Variants in ARSB observed in about 807,000 individuals in gnomAD.
ARSB encodes N-acetylgalactosamine-4-sulfatase.
In ARSB, 41 loss-of-function variants were observed where a neutral mutation model predicts 50.9. That is an observed-to-expected ratio of 0.81 (90% confidence interval 0.63 to 1.04). The LOEUF is 1.04. Among genes scored for constraint, ARSB ranks in the 50% least tolerant of loss-of-function variants. The pLI is 0.00. For missense variants in ARSB, 672 were observed against 693.3 expected, an observed-to-expected ratio of 0.97 and a Z score of 0.35; for synonymous variants, 269 against 284.8, an observed-to-expected ratio of 0.94 and a Z score of 0.56.
chr5:78,961,712 G>A (rs1359240178), intron 3 of ARSB, among the ~76,000 whole-genome samples: 1 of 152,050 alleles, frequency 6.6e-6, no homozygotes, highest in Non-Finnish European at 1.5e-5. Context: ...GATTACAGTT[G>A]TTGCACAGAT....
chr5:78,824,919 A>G lies in ARSB; in HGVS notation c.1213+14437T>C, dbSNP rs188162084. Among the ~76,000 whole-genome samples, 36 of 152,300 alleles carry G rather than the reference A, an allele frequency of 2.4e-4. 1 individual carries two copies. Among genetic ancestry groups the G allele is most frequent in the African/African-American group, 7.5e-4 (31 of 41,562 alleles). ...CTGGTAATATACTGCATTTTGACAG[A>G]TGTGGTTAGTAACTCTAAGGAGTGC... On this transcript the variant is annotated intron_variant, in intron 6 of 7. Transcript: ENST00000264914.
intron 4 of ARSB, among the ~76,000 whole-genome samples, chr5:78,906,383 C>A (rs2112294808): frequency 6.6e-6 from 1 of 152,126 alleles, no homozygotes; most frequent in East Asian, 1.9e-4. Flanking sequence ...TCCCCATATT[C>A]TTGAGCAAGA....
chr5:78,872,323 C>A (rs1052930991), intron 5 of ARSB, among the ~76,000 whole-genome samples: 1 of 151,150 alleles, frequency 6.6e-6, no homozygotes, highest in African/African-American at 2.4e-5. Context: ...TGGGCATATA[C>A]CCAAATGACT....
chr5:78,968,957 T>C lies in ARSB; in HGVS notation c.499+49A>G, dbSNP rs765352564. On this transcript the variant is annotated intron_variant, in intron 2 of 7. Coordinates refer to ENST00000264914, the MANE Select transcript of ARSB (RefSeq NM_000046.5). ...TTGCACTTGGGTGTGTTTTATGAGA[T>C]GGCTGCAGTTAGTCTAAGTTGTTAA... 19 of 1,594,790 alleles carry C rather than the reference T, an allele frequency of 1.2e-5. No homozygotes were observed. The Admixed American group carries it at 3.0e-4, about 25-fold the overall frequency.
At chr5:78,843,559 T>C (rs1359802133) in intron 5 of ARSB, among the ~76,000 whole-genome samples, 1 of 152,224 alleles carries the variant, frequency 6.6e-6, no homozygotes, top group Non-Finnish European at 1.5e-5. Flanking sequence ...TATTGAAGTA[T>C]AATTTTAAAA....
chr5:78,969,013 GGTA>G lies in ARSB; in HGVS notation c.489_491del (p.Thr164del), dbSNP rs1214445569. ...CATGTGCATTTCCATTACCAAAGTA[GGTA>G]TCAAATCCTCGGCGGGTTGGAAGGC... On this transcript the variant is annotated inframe_deletion, in exon 2 of 8. Coordinates refer to ENST00000264914, the MANE Select transcript of ARSB (RefSeq NM_000046.5). 1.2e-6 allele frequency: 2 copies of G among 1,614,136 alleles called. No individual in the cohort carries two copies. The highest frequency in any genetic ancestry group is 1.7e-6 in the Non-Finnish European group (2 of 1,180,010).
chr5:78,781,764 G>A (rs975797613), intron 7 of ARSB, 88 bp downstream of exon 7: 7 of 1,562,916 alleles, frequency 4.5e-6, no homozygotes, highest in East Asian at 2.2e-5. Flanking sequence ...AATCCCAGGA[G>A]GGCAGATAGA....
chr5:78,908,598 A>G (rs1749168480), intron 4 of ARSB, among the ~76,000 whole-genome samples: 1 of 152,222 alleles, frequency 6.6e-6, no homozygotes, highest in Non-Finnish European at 1.5e-5. Context: ...ACAAGGGATT[A>G]GAGAGCATTC....
intron 4 of ARSB, among the ~76,000 whole-genome samples, chr5:78,934,626 C>T (rs567239151): frequency 6.6e-6 from 1 of 152,092 alleles, no homozygotes; most frequent in South Asian, 2.1e-4. Flanking sequence ...CCTGTCTCTA[C>T]TAAAAATACA....
At chr5:78,916,398 CT>C (rs1749545833) in intron 4 of ARSB, among the ~76,000 whole-genome samples, 1 of 152,200 alleles carries the variant, frequency 6.6e-6, no homozygotes, top group Non-Finnish European at 1.5e-5. Flanking sequence ...GGAGAACAGA[CT>C]TTATCAGATT....
At chr5:78,952,037 T>C (rs1287594084) in intron 4 of ARSB, among the ~76,000 whole-genome samples, 1 of 152,160 alleles carries the variant, frequency 6.6e-6, no homozygotes, top group Non-Finnish European at 1.5e-5. Context: ...AAGTTGGATT[T>C]AACCTAACAA....
At chr5:78,944,196 T>C (rs937537226) in intron 4 of ARSB, among the ~76,000 whole-genome samples, 18 of 152,112 alleles carry the variant, frequency 1.2e-4, no homozygotes, top group African/African-American at 4.3e-4. Context: ...TTTTTCAAGG[T>C]TTTTAACTTC....
intron 4 of ARSB, among the ~76,000 whole-genome samples, chr5:78,937,334 G>GTAAGATATATA (rs1214316906): frequency 1.9e-3 from 242 of 126,944 alleles, no homozygotes; most frequent in East Asian, 6.1e-3. Flanking sequence ...ATATATATAT[G>GTAAGATATATA]TAAGATATAT....
intron 4 of ARSB, among the ~76,000 whole-genome samples, chr5:78,944,245 A>C (rs1443037036): frequency 1.3e-5 from 2 of 152,144 alleles, no homozygotes; most frequent in African/African-American, 2.4e-5. Context: ...AGCTCGGAGA[A>C]GTTTGATCGT....
At chr5:78,801,285 T>C (rs1743384772) in intron 6 of ARSB, among the ~76,000 whole-genome samples, 2 of 152,162 alleles carry the variant, frequency 1.3e-5, no homozygotes, top group South Asian at 4.1e-4. Context: ...GTCTACATTG[T>C]AAATACGTAC....
At chr5:78,795,328 C>T in intron 6 of ARSB, among the ~76,000 whole-genome samples, 1 of 152,130 alleles carries the variant, frequency 6.6e-6, no homozygotes, top group East Asian at 1.9e-4. Flanking sequence ...TGGCCTAGGG[C>T]ACTCTGCTGG....
chr5:78,823,633 T>C (rs1400284161), intron 6 of ARSB, among the ~76,000 whole-genome samples: 2 of 152,192 alleles, frequency 1.3e-5, no homozygotes, highest in Non-Finnish European at 2.9e-5. Flanking sequence ...TGCCATTTTT[T>C]AGAAGCTTGG....
chr5:78,780,788 T>A, intron 7 of ARSB, 126 bp from the exon 8 acceptor site: 3 of 1,141,398 alleles, frequency 2.6e-6, no homozygotes, highest in Non-Finnish European at 3.8e-6. Flanking sequence ...GATGCGGCCC[T>A]AGATGCTGTC....
intron 3 of ARSB, 79 bp downstream of exon 3, chr5:78,964,336 CA>C: frequency 7.2e-7 from 1 of 1,379,640 alleles, no homozygotes; most frequent in South Asian, 1.2e-5. Flanking sequence ...CCCTAAACAA[CA>C]ATGGCCTTTT....
Sources: allele counts gnomAD v4.1 joint callset (sites outside exome capture counted in the v4.1 genomes callset), GRCh38; gene constraint gnomAD v4.1.1; transcripts MANE v1.5; gene names NCBI Gene and HGNC (gene_info 2026-07-23, HGNC 2026-07-21).